The following TOX2 variants were observed in gnomAD, a reference collection of about 807,000 sequenced individuals.
TOX2 encodes the protein TOX high mobility group box family member 2.
Under a neutral mutation model 47.4 loss-of-function variants are expected in TOX2, and 15 were observed. The ratio of observed to expected loss-of-function variants is 0.32; its 90% CI spans 0.21 to 0.49. The LOEUF is 0.49. Among genes scored for constraint, TOX2 ranks in the 20% least tolerant of loss-of-function variants. The pLI is 0.99. For synonymous variants in TOX2, 290 were observed against 296.6 expected, an observed-to-expected ratio of 0.98 and a Z score of 0.23; for missense variants, 622 against 673.1, an observed-to-expected ratio of 0.92 and a Z score of 0.84.
intron 1 of TOX2, among the ~76,000 whole-genome samples, chr20:43,927,381 T>G (rs1164969769): frequency 6.6e-6 from 1 of 152,052 alleles, no homozygotes; most frequent in African/African-American, 2.4e-5. Context: ...CTGGTATTTT[T>G]GGCATCTCTT....
rs183003322 is a variant in TOX2 at position 43,996,946 on chromosome 20, G to T, written c.166-9601G>T. Reference sequence around the variant, plus strand: ...TTCCTCCCAACAAAGCTGGAAGGTTGTTGGAATACATAATCAGGATTCAAC... The same window carrying T: ...TTCCTCCCAACAAAGCTGGAAGGTTTTTGGAATACATAATCAGGATTCAAC... On this transcript the variant is annotated intron_variant, in intron 2 of 8. Transcript: ENST00000341197. Among the ~76,000 whole-genome samples, 836 of 152,256 alleles carry T rather than the reference G, an allele frequency of 5.5e-3. 6 individuals are homozygous for T. Among genetic ancestry groups the T allele is most frequent in the South Asian group, 0.023 (111 of 4,826 alleles).
At chr20:43,976,025 T>C (rs2070072263) in intron 2 of TOX2, among the ~76,000 whole-genome samples, 1 of 152,268 alleles carries the variant, frequency 6.6e-6, no homozygotes, top group Non-Finnish European at 1.5e-5. Flanking sequence ...TAGGACTTTA[T>C]GAAGAAGATA....
rs1458078049 is a variant in TOX2 at position 43,914,879 on chromosome 20, C to A, written c.-13C>A. On this transcript the variant is annotated 5_prime_UTR_variant, in exon 1 of 9. Transcript: ENST00000341197. The surrounding 1 kb of genome is among the most constrained non-coding windows in gnomAD (Gnocchi z 4.5). The stretch of plus-strand genomic sequence containing the variant: ...TGCCCGCGGGAGCCGCCGCCGCCGC[C>A]GCCGCGCCCGCCATGGACGTCCGCC... The A allele has an allele frequency of 9.9e-7, 1 of 1,005,804 alleles. No individual in the cohort carries two copies. 62.3% of individuals were successfully genotyped at this position (1,005,804 alleles called of 1,614,324 possible). A position where few individuals can be genotyped will look rare whatever the true frequency, so the allele number is the denominator to read the frequency against.
intron 1 of TOX2, chr20:43,945,677 C>A: frequency 2.0e-6 from 1 of 493,120 alleles, no homozygotes; most frequent in Non-Finnish European, 3.6e-6. Flanking sequence ...TCCCCTTCTG[C>A]TCCCCGAGAC....
intron 1 of TOX2, among the ~76,000 whole-genome samples, chr20:43,969,078 G>T (rs1272099531): frequency 1.3e-5 from 2 of 152,188 alleles, no homozygotes; most frequent in African/African-American, 4.8e-5. Flanking sequence ...ACACATATGG[G>T]CACACCCTGC....
At chr20:43,964,117 G>T (rs2069809015) in intron 1 of TOX2, among the ~76,000 whole-genome samples, 3 of 151,578 alleles carry the variant, frequency 2.0e-5, no homozygotes, top group Admixed American at 2.0e-4. Flanking sequence ...AAAACCAACA[G>T]CTTGAAAGCA....
intron 3 of TOX2, among the ~76,000 whole-genome samples, chr20:44,040,591 A>G (rs1028186847): frequency 6.6e-6 from 1 of 152,156 alleles, no homozygotes; most frequent in Non-Finnish European, 1.5e-5. Flanking sequence ...GGATGATTAT[A>G]TTCCGCCTCC....
intron 2 of TOX2, among the ~76,000 whole-genome samples, chr20:44,002,192 G>C (rs2070595347): frequency 6.6e-6 from 1 of 152,192 alleles, no homozygotes; most frequent in Non-Finnish European, 1.5e-5. Flanking sequence ...CCCATTCTAA[G>C]GCAAGACTCT....
intron 1 of TOX2, among the ~76,000 whole-genome samples, chr20:43,921,565 A>G (rs1187583827): frequency 6.6e-6 from 1 of 152,230 alleles, no homozygotes; most frequent in Non-Finnish European, 1.5e-5. Flanking sequence ...CACAAAGAGC[A>G]GCCCAACTGA....
intron 3 of TOX2, among the ~76,000 whole-genome samples, chr20:44,045,067 C>CTACTACA (rs1478313608): frequency 9.2e-5 from 14 of 152,094 alleles, no homozygotes; most frequent in African/African-American, 1.2e-4. Flanking sequence ...AGTCATAGTT[C>CTACTACA]TAGAGACAGA....
At chr20:43,964,304 G>C (rs955795784) in intron 1 of TOX2, among the ~76,000 whole-genome samples, 8 of 152,138 alleles carry the variant, frequency 5.3e-5, no homozygotes, top group Non-Finnish European at 1.0e-4. Flanking sequence ...TCTGTGCCGG[G>C]CTCTCTGCCT....
intron 3 of TOX2, among the ~76,000 whole-genome samples, chr20:44,018,624 T>A (rs576664789): frequency 9.8e-5 from 15 of 152,300 alleles, no homozygotes; most frequent in African/African-American, 3.6e-4. Context: ...TAATAAAAAG[T>A]CAGTCTCATG....
intron 1 of TOX2, among the ~76,000 whole-genome samples, chr20:43,956,329 G>A (rs1266941201): frequency 5.3e-5 from 8 of 152,192 alleles, no homozygotes; most frequent in Non-Finnish European, 1.2e-4. Flanking sequence ...GGGAGGCTGA[G>A]GTGGGTGGAT....
At chr20:43,982,101 T>C (rs1195482643) in intron 2 of TOX2, among the ~76,000 whole-genome samples, 1 of 152,138 alleles carries the variant, frequency 6.6e-6, no homozygotes, top group Non-Finnish European at 1.5e-5. Context: ...GTGGTGGCTC[T>C]GGCCTTAGCT....
chr20:44,055,088 C>T (rs1459931497), intron 5 of TOX2, among the ~76,000 whole-genome samples: 1 of 152,166 alleles, frequency 6.6e-6, no homozygotes, highest in Non-Finnish European at 1.5e-5. Context: ...TCACTGAATC[C>T]TTACAACACC....
chr20:44,040,156 C>A (rs938003299), intron 3 of TOX2, among the ~76,000 whole-genome samples: 10 of 152,186 alleles, frequency 6.6e-5, no homozygotes, highest in African/African-American at 2.4e-4. Flanking sequence ...CTTTCTTCTT[C>A]TAAAGGCTGA....
At chr20:43,929,988 G>A (rs1445191408) in intron 1 of TOX2, among the ~76,000 whole-genome samples, 6 of 152,208 alleles carry the variant, frequency 3.9e-5, no homozygotes, top group African/African-American at 9.6e-5. Flanking sequence ...GATTACAGAC[G>A]TGAGCCAATG....
intron 1 of TOX2, among the ~76,000 whole-genome samples, chr20:43,917,463 A>C (rs2069069609): frequency 1.3e-5 from 2 of 152,174 alleles, no homozygotes; most frequent in Admixed American, 1.3e-4. Flanking sequence ...TGTGGGGTGG[A>C]CACACCCACA....
intron 1 of TOX2, among the ~76,000 whole-genome samples, chr20:43,959,251 T>C (rs1391139180): frequency 1.3e-5 from 2 of 152,222 alleles, no homozygotes; most frequent in African/African-American, 4.8e-5. Context: ...TGCAGCAGCT[T>C]AGTGCAGAGC....
Sources: allele counts gnomAD v4.1 joint callset (sites outside exome capture counted in the v4.1 genomes callset), GRCh38; gene constraint gnomAD v4.1.1; non-coding constraint Gnocchi (gnomAD v3.1); transcripts MANE v1.5; gene names NCBI Gene and HGNC (gene_info 2026-07-23, HGNC 2026-07-21).